The following XRCC1 variants were observed in gnomAD, a reference collection of about 807,000 sequenced individuals.
XRCC1 encodes X-ray repair cross complementing 1.
Under a neutral mutation model 83.3 loss-of-function variants are expected in XRCC1, and 52 were observed. The ratio of observed to expected loss-of-function variants is 0.62; its 90% CI spans 0.50 to 0.79. The LOEUF is 0.79. Among genes scored for constraint, XRCC1 ranks in the 30% least tolerant of loss-of-function variants. XRCC1 has a pLI of 0.00. For synonymous variants in XRCC1, 281 were observed against 312.6 expected (o/e 0.90, Z 1.07); for missense variants, 793 against 823.5 (o/e 0.96, Z 0.45).
chr19:43,546,808 G>A (rs746619288), intron 11 of XRCC1, 76 bp downstream of exon 11: 20 of 1,597,346 alleles, frequency 1.3e-5, no homozygotes, highest in African/African-American at 2.7e-5. Flanking sequence ...GGCAAGAGTG[G>A]GAAGTTTGGG....
chr19:43,543,500 C>T lies in XRCC1; in HGVS notation c.1794G>A (p.Leu598=). ...CGAATGCCAGGGAGGGGTTGTCCAT[C>T]AGGGCCTGCAGGGTGGGGTGGAGTC... ...QEWDPSFEEA[L]MDNPSLAFVR... is the part of the protein sequence containing the mutation. Residue 598 remains leucine (L), a synonymous_variant, in exon 17 of 17, where the codon CTG becomes CTA. Transcript: ENST00000262887. 1 of 1,613,802 alleles carries T rather than the reference C, an allele frequency of 6.2e-7. No homozygotes were observed. The highest frequency in any genetic ancestry group is 8.5e-7 in the Non-Finnish European group (1 of 1,179,966).
chr19:43,553,865 A>G (rs962116071), intron 4 of XRCC1, 182 bp from the exon 5 acceptor site: 22 of 529,612 alleles, frequency 4.2e-5, no homozygotes, highest in Non-Finnish European at 6.4e-5. Flanking sequence ...ACTGAGCCCT[A>G]ACTCTGAGTC....
rs1040102819 is a variant in XRCC1 at position 43,547,116 on chromosome 19, G to A, written c.1200-139C>T. On this transcript the variant is annotated intron_variant, in intron 10 of 16. Transcript: ENST00000262887. Reference sequence around the variant, plus strand: ...CTTGTTCCCAGCCCATTCTCTCCCAGCTCAGGAAGGCCCCAGTGAACCCAG... The same window carrying A: ...CTTGTTCCCAGCCCATTCTCTCCCAACTCAGGAAGGCCCCAGTGAACCCAG... 10 of 821,758 alleles carry A rather than the reference G, an allele frequency of 1.2e-5. No individual in the cohort carries two copies. The African/African-American group carries it at 1.7e-4, about 14-fold the overall frequency. 50.9% of individuals were successfully genotyped at this position (821,758 alleles called of 1,614,324 possible). A position where few individuals can be genotyped will look rare whatever the true frequency, so the allele number is the denominator to read the frequency against.
At chr19:43,574,763 C>CA in intron 2 of XRCC1, 147 bp downstream of exon 2, 1 of 654,278 alleles carries the variant, frequency 1.5e-6, no homozygotes, top group South Asian at 1.7e-5. Context: ...CTGAGGGGCA[C>CA]AGGGATTATG....
Position 43,545,812 on chromosome 19 carries a change from T to C in XRCC1, c.1621+6A>G. On this transcript the variant is annotated splice_donor_region_variant and intron_variant, in intron 14 of 16. Transcript: ENST00000262887. The stretch of plus-strand genomic sequence containing the variant: ...CCACTTCAGGAGGGATGGGGGGATT[T>C]CCCACCTGGGAGCTCAGGGACTGGC... 1 of 1,613,396 alleles carries C rather than the reference T, an allele frequency of 6.2e-7. No homozygotes were observed. The highest frequency in any genetic ancestry group is 1.1e-5 in the South Asian group (1 of 91,046).
chr19:43,570,557 G>A (rs1282248617), intron 2 of XRCC1, among the ~76,000 whole-genome samples: 2 of 152,248 alleles, frequency 1.3e-5, no homozygotes. Flanking sequence ...GCCAAGACAG[G>A]AGGACTGCTT....
chr19:43,543,578 C>G, intron 16 of XRCC1, 34 bp downstream of exon 16: 2 of 1,613,540 alleles, frequency 1.2e-6, no homozygotes, highest in Admixed American at 3.3e-5. Flanking sequence ...AAGGTGTGCC[C>G]GGGTCTCCCA....
intron 2 of XRCC1, among the ~76,000 whole-genome samples, chr19:43,571,085 C>T (rs796414721): frequency 1.1e-4 from 17 of 150,528 alleles, no homozygotes; most frequent in African/African-American, 4.2e-4. Flanking sequence ...CTCCTCTGCT[C>T]GGAGCCCTCC....
chr19:43,559,045 G>T (rs1028928175), intron 3 of XRCC1, among the ~76,000 whole-genome samples: 5 of 152,082 alleles, frequency 3.3e-5, no homozygotes, highest in African/African-American at 1.2e-4. Context: ...GGAGGCTGAG[G>T]CTGGAGAATC....
intron 2 of XRCC1, among the ~76,000 whole-genome samples, chr19:43,568,444 C>T (rs559348402): frequency 8.0e-4 from 121 of 151,942 alleles, no homozygotes; most frequent in East Asian, 5.9e-4. Context: ...TTGCAGTGAG[C>T]CACGATCGCA....
intron 3 of XRCC1, among the ~76,000 whole-genome samples, chr19:43,558,494 C>T (rs557870023): frequency 6.0e-5 from 9 of 151,246 alleles, no homozygotes; most frequent in East Asian, 5.9e-4. Flanking sequence ...AAAAATTAGC[C>T]GGGCATGATG....
chr19:43,544,881 C>G (rs1972493457), intron 14 of XRCC1, among the ~76,000 whole-genome samples: 1 of 152,016 alleles, frequency 6.6e-6, no homozygotes, highest in African/African-American at 2.4e-5. Context: ...TGGTCTTGAA[C>G]TCTTGGACTC....
chr19:43,575,517 G>T lies in XRCC1; in HGVS notation c.-59C>A, dbSNP rs758474125. The T allele has an allele frequency of 1.6e-5, 25 of 1,569,370 alleles. No individual in the cohort carries two copies. In the African/African-American group the frequency reaches 2.9e-4, roughly 18 times the overall value. On this transcript the variant is annotated 5_prime_UTR_variant, in exon 1 of 17. Coordinates refer to ENST00000262887, the MANE Select transcript of XRCC1 (RefSeq NM_006297.3). ...TGAGGTAGAGTATGGGGTCCGAGGG[G>T]CAGGGAGAGTGGGAGGGGGCGGGGT...
Position 43,547,031 on chromosome 19 carries a change from G to A in XRCC1, c.1200-54C>T, listed in dbSNP as rs184620725. The A allele has an allele frequency of 1.5e-4, 234 of 1,549,870 alleles. No individual in the cohort carries two copies. The Admixed American group carries it at 2.4e-3, about 16-fold the overall frequency. ...CAGGCCCAAGGGAAGTGGGGAGGGC[G>A]TTCAGGAGGCAACAGCCATTGGCAT... On this transcript the variant is annotated intron_variant, in intron 10 of 16. Transcript: ENST00000262887.
chr19:43,563,464 G>C (rs1413135892), intron 2 of XRCC1, among the ~76,000 whole-genome samples: 1 of 152,206 alleles, frequency 6.6e-6, no homozygotes, highest in Non-Finnish European at 1.5e-5. Context: ...CTGCACTCCA[G>C]CTTGGGCGAT....
chr19:43,552,352 G>A (rs1600048147), intron 8 of XRCC1, 77 bp from the exon 9 acceptor site: 2 of 1,117,278 alleles, frequency 1.8e-6, no homozygotes, highest in African/African-American at 1.6e-5. Flanking sequence ...AGACCCAGCA[G>A]TCCAGGCCCC....
At chr19:43,556,180 A>G (rs1425733130) in intron 3 of XRCC1, among the ~76,000 whole-genome samples, 2 of 152,060 alleles carry the variant, frequency 1.3e-5, no homozygotes, top group Admixed American at 1.3e-4. Flanking sequence ...AAGCCACCAC[A>G]CCCAGCTAGA....
chr19:43,574,814 A>G (rs774961411), intron 2 of XRCC1, 96 bp downstream of exon 2: 77 of 983,270 alleles, frequency 7.8e-5, no homozygotes, highest in Non-Finnish European at 1.2e-4. Context: ...CCCAGCAAAG[A>G]AAGTGACTAA....
intron 4 of XRCC1, chr19:43,553,927 A>G (rs1336092565): frequency 4.4e-6 from 2 of 457,208 alleles, no homozygotes; most frequent in African/African-American, 3.9e-5. Flanking sequence ...GGCAGAGTCT[A>G]CTAGGTGTCC....
Sources: allele counts gnomAD v4.1 joint callset (sites outside exome capture counted in the v4.1 genomes callset), GRCh38; gene constraint gnomAD v4.1.1; transcripts MANE v1.5; gene names NCBI Gene and HGNC (gene_info 2026-07-23, HGNC 2026-07-21).